Variants in NOX4 observed in about 807,000 individuals in gnomAD.
NOX4 encodes NADPH oxidase 4, also known as kidney oxidase-1.
A neutral mutation model predicts 87.6 loss-of-function variants in NOX4; 69 were observed. That is an observed-to-expected ratio of 0.79 (90% CI 0.65 to 0.96). NOX4 has a LOEUF of 0.96. Among genes scored for constraint, NOX4 ranks in the 40% least tolerant of loss-of-function variants. NOX4 has a pLI of 0.00. For missense variants in NOX4, 680 were observed against 681.5 expected (o/e 1.00, Z 0.02); for synonymous variants, 275 against 238.2 (o/e 1.15, Z -1.42).
intron 2 of NOX4, among the ~76,000 whole-genome samples, chr11:89,457,562 A>C (rs1260645674): frequency 6.6e-6 from 1 of 152,210 alleles, no homozygotes; most frequent in Non-Finnish European, 1.5e-5. Context: ...GGCCTAGTAC[A>C]GCCATCCAGA....
intron 11 of NOX4, among the ~76,000 whole-genome samples, chr11:89,399,692 G>A (rs998205815): frequency 2.0e-5 from 3 of 150,354 alleles, no homozygotes; most frequent in African/African-American, 2.4e-5. Flanking sequence ...CTTGAAATCC[G>A]GGGCTCAAGT....
intron 13 of NOX4, among the ~76,000 whole-genome samples, chr11:89,344,476 G>C (rs1946130862): frequency 1.3e-5 from 2 of 152,184 alleles, no homozygotes; most frequent in Admixed American, 1.3e-4. Context: ...CTTGAGTCCA[G>C]GAGGTTGAGA....
upstream of NOX4, among the ~76,000 whole-genome samples, chr11:89,493,189 AT>A (rs1946903067): frequency 6.6e-6 from 1 of 152,106 alleles, no homozygotes; most frequent in South Asian, 2.1e-4. Context: ...GATGGAGGCC[AT>A]CCTGGCCAAC....
At chr11:89,339,816 C>G (rs769821560) in intron 15 of NOX4, among the ~76,000 whole-genome samples, 2 of 152,028 alleles carry the variant, frequency 1.3e-5, no homozygotes, top group Non-Finnish European at 2.9e-5. Context: ...ATGAATGTTT[C>G]CATGTTAAAA....
chr11:89,477,415 T>C (rs560568484), intron 2 of NOX4, among the ~76,000 whole-genome samples: 5 of 152,102 alleles, frequency 3.3e-5, no homozygotes, highest in Non-Finnish European at 7.4e-5. Context: ...TAAATACAGA[T>C]GAAGTTTTGC....
chr11:89,499,120 C>G (rs1946991252), upstream of NOX4: 1 of 152,020 alleles, frequency 6.6e-6, no homozygotes, highest in East Asian at 1.9e-4. Flanking sequence ...GCATTTGTAG[C>G]TAGTTATTTT....
chr11:89,484,001 A>G (rs1006316973), intron 2 of NOX4, among the ~76,000 whole-genome samples: 1 of 152,088 alleles, frequency 6.6e-6, no homozygotes, highest in Non-Finnish European at 1.5e-5. Context: ...CTCAGCTACA[A>G]AACAAAAACT....
chr11:89,473,085 C>A (rs1372742362), intron 2 of NOX4, among the ~76,000 whole-genome samples: 1 of 152,100 alleles, frequency 6.6e-6, no homozygotes, highest in Admixed American at 6.6e-5. Context: ...AATATTTATA[C>A]CCATCCCTTA....
chr11:89,440,708 C>T lies in NOX4; in HGVS notation c.455G>A (p.Arg152Lys). The T allele has an allele frequency of 6.5e-7, 1 of 1,539,172 alleles. No individual in the cohort carries two copies. Among genetic ancestry groups the T allele is most frequent in the Non-Finnish European group, 8.9e-7 (1 of 1,126,964 alleles). ...NAARYRDEDP[R>K]KLLFTTVPGL... ...CTTACCAGTTGTGAAGAGAAGTTTT[C>T]TAGGATCCTGAGAAAAAGAAAAAAA... The change falls in exon 6 of 18, where the codon AGA becomes AAA. Residue 152 changes from arginine to lysine, a missense_variant. Transcript: ENST00000263317.
At chr11:89,541,307 G>A in the NOX4 span, among the ~76,000 whole-genome samples, 1 of 152,064 alleles carries the variant, frequency 6.6e-6, no homozygotes, top group Non-Finnish European at 1.5e-5. Context: ...CAGTGCTGTC[G>A]AAATTTCCAC....
At chr11:89,391,580 G>A (rs1289972032) in intron 11 of NOX4, among the ~76,000 whole-genome samples, 2 of 151,210 alleles carry the variant, frequency 1.3e-5, no homozygotes, top group African/African-American at 4.9e-5. Context: ...ACATAGCGAG[G>A]CCCTATCTCT....
chr11:89,517,590 C>T, the NOX4 span, among the ~76,000 whole-genome samples: 1 of 151,858 alleles, frequency 6.6e-6, no homozygotes, highest in Admixed American at 6.6e-5. Flanking sequence ...ATTCTCCCAT[C>T]TGTTTTCTGA....
chr11:89,389,577 T>C (rs941212296), intron 11 of NOX4, among the ~76,000 whole-genome samples: 1 of 152,172 alleles, frequency 6.6e-6, no homozygotes, highest in African/African-American at 2.4e-5. Context: ...CTTAGTAGTA[T>C]GGACAATCGA....
chr11:89,444,194 A>G lies in NOX4; in HGVS notation c.388T>C (p.Phe130Leu). ...AAGTCTTCACTGTAATTCACTGAGA[A>G]GTTGAGGGCATTCACCAGATGGGCA... Reference protein sequence around the residue: ...VAAHLVNALNFSVNYSEDFVE... With the variant: ...VAAHLVNALNLSVNYSEDFVE... The change falls in exon 5 of 18, where the codon TTC (phenylalanine) becomes CTC (leucine). Residue 130 changes from phenylalanine to leucine, a missense_variant. Phe to Leu is a conservative substitution (Grantham distance 22). Coordinates refer to ENST00000263317, the MANE Select transcript of NOX4 (RefSeq NM_016931.5). The G allele has an allele frequency of 1.2e-6, 2 of 1,613,656 alleles. No individual in the cohort carries two copies. Among genetic ancestry groups the G allele is most frequent in the South Asian group, 1.1e-5 (1 of 91,072 alleles).
At chr11:89,521,658 T>C in the NOX4 span, among the ~76,000 whole-genome samples, 2 of 151,818 alleles carry the variant, frequency 1.3e-5, no homozygotes, top group Admixed American at 6.6e-5. Context: ...AAGCAATTGC[T>C]ACAAAAACAA....
chr11:89,413,473 A>G (rs1291541715), intron 8 of NOX4, among the ~76,000 whole-genome samples: 2 of 152,180 alleles, frequency 1.3e-5, no homozygotes, highest in Non-Finnish European at 2.9e-5. Context: ...TGTGCTACAT[A>G]TAACAACGGT....
intron 2 of NOX4, among the ~76,000 whole-genome samples, chr11:89,454,702 C>T (rs764520): frequency 0.044 from 6,707 of 152,070 alleles, 446 homozygotes; most frequent in African/African-American, 0.15. Flanking sequence ...GCAGGAACAA[C>T]AAAGATCTCA....
chr11:89,526,602 T>A, the NOX4 span, among the ~76,000 whole-genome samples: 3 of 152,170 alleles, frequency 2.0e-5, no homozygotes, highest in East Asian at 3.9e-4. Context: ...GTGTCCCTTA[T>A]GCTGTTCTCA....
At chr11:89,391,425 G>A (rs1207880732) in intron 11 of NOX4, among the ~76,000 whole-genome samples, 4 of 152,176 alleles carry the variant, frequency 2.6e-5, no homozygotes, top group African/African-American at 9.6e-5. Context: ...CCAAAAGTGG[G>A]AAAATGAGAA....
Sources: gnomAD v4.1 joint callset for allele counts (sites outside exome capture counted in the v4.1 genomes callset) on GRCh38, gnomAD v4.1.1 for gene constraint, MANE v1.5 for transcripts, NCBI Gene and HGNC (gene_info 2026-07-23, HGNC 2026-07-21) for gene names.